The following ZNF362 variants were observed in gnomAD, a reference collection of about 807,000 sequenced individuals.
ZNF362 encodes the protein zinc finger protein 362, also known as rotund homolog.
Under a neutral mutation model 42.9 loss-of-function variants are expected in ZNF362, and 11 were observed. The ratio of observed to expected loss-of-function variants is 0.26; its 90% confidence interval spans 0.16 to 0.42. The LOEUF (loss-of-function observed/expected upper bound fraction) is 0.42, where lower values mean the gene tolerates loss of function less well. Ranked by LOEUF, ZNF362 falls within the 20% of genes least tolerant of loss-of-function variation. The pLI is 1.00. For synonymous variants in ZNF362, 255 were observed against 257.3 expected (o/e 0.99, Z 0.09); for missense variants, 362 against 576.2 (o/e 0.63, Z 3.81).
chr1:33,148,334 A>G, the ZNF362 span, among the ~76,000 whole-genome samples: 3 of 152,234 alleles, frequency 2.0e-5, no homozygotes, highest in South Asian at 2.1e-4. Context: ...ATGTATAAAC[A>G]TGAAATTTTT....
At chr1:33,196,464 CATTGATATCA>C in the ZNF362 span, among the ~76,000 whole-genome samples, 1 of 152,276 alleles carries the variant, frequency 6.6e-6, no homozygotes, top group African/African-American at 2.4e-5. Context: ...GGGTCAAGAT[CATTGATATCA>C]CTGTCTTCCA....
intron 6 of ZNF362, among the ~76,000 whole-genome samples, chr1:33,288,227 A>G (rs2148124921): frequency 6.6e-6 from 1 of 152,316 alleles, no homozygotes; most frequent in South Asian, 2.1e-4. Flanking sequence ...TGGCAGAAGC[A>G]AGATTTGAGT....
the ZNF362 span, among the ~76,000 whole-genome samples, chr1:33,171,907 G>C: frequency 2.0e-5 from 3 of 152,112 alleles, no homozygotes; most frequent in East Asian, 5.8e-4. Context: ...TCAGCCTCCT[G>C]AGTAGCTGGG....
chr1:33,160,554 G>A, the ZNF362 span, among the ~76,000 whole-genome samples: 1 of 151,946 alleles, frequency 6.6e-6, no homozygotes, highest in Non-Finnish European at 1.5e-5. Flanking sequence ...ACAGGAGCCC[G>A]CCACTATGCC....
At chr1:33,233,505 G>A in the ZNF362 span, among the ~76,000 whole-genome samples, 4 of 151,854 alleles carry the variant, frequency 2.6e-5, no homozygotes, top group Non-Finnish European at 5.9e-5. Context: ...CCAGGCTCAA[G>A]CAATCTTCCT....
At chr1:33,295,121 C>G in intron 7 of ZNF362, 26 bp from the exon 8 acceptor site, 1 of 1,613,308 alleles carries the variant, frequency 6.2e-7, no homozygotes, top group Admixed American at 1.7e-5. Flanking sequence ...CTGTTCCTCT[C>G]CTGACCCCCT....
the ZNF362 span, among the ~76,000 whole-genome samples, chr1:33,131,549 G>T: frequency 6.6e-6 from 1 of 152,072 alleles, no homozygotes; most frequent in Admixed American, 6.5e-5. Context: ...GATTGTAAAC[G>T]ATTTCAATAA....
the ZNF362 span, among the ~76,000 whole-genome samples, chr1:33,175,597 G>A: frequency 5.8e-3 from 883 of 152,294 alleles, 12 homozygotes; most frequent in African/African-American, 0.02. Context: ...GACAGTTGGC[G>A]TGTTGGGAAG....
the ZNF362 span, among the ~76,000 whole-genome samples, chr1:33,141,437 GA>G: frequency 6.6e-6 from 1 of 152,214 alleles, no homozygotes; most frequent in African/African-American, 2.4e-5. Context: ...TGTGGAGCTA[GA>G]AACTAACCCT....
chr1:33,199,550 A>G, the ZNF362 span, among the ~76,000 whole-genome samples: 1 of 152,220 alleles, frequency 6.6e-6, no homozygotes, highest in African/African-American at 2.4e-5. Flanking sequence ...CAGAAAGAAA[A>G]TGATACAAGA....
chr1:33,293,738 A>G (rs979755893), intron 6 of ZNF362, among the ~76,000 whole-genome samples: 3 of 152,126 alleles, frequency 2.0e-5, no homozygotes, highest in Admixed American at 1.3e-4. Flanking sequence ...GCCCAGGGAG[A>G]TGGTGCAAAG....
At chr1:33,148,786 A>G in the ZNF362 span, among the ~76,000 whole-genome samples, 93 of 152,364 alleles carry the variant, frequency 6.1e-4, no homozygotes, top group African/African-American at 2.1e-3. Flanking sequence ...AAAGTAGACA[A>G]TGGGTCTGAA....
chr1:33,179,824 A>G, the ZNF362 span, among the ~76,000 whole-genome samples: 1 of 152,226 alleles, frequency 6.6e-6, no homozygotes, highest in African/African-American at 2.4e-5. Context: ...CTTGGGAACC[A>G]TTTTATTAAA....
At position 33,281,927 on chromosome 1, in the gene ZNF362, G is replaced by A. The variant is rs1243883340; in HGVS notation, c.908+116G>A. The A allele has an allele frequency of 9.4e-6, 10 of 1,060,312 alleles. No homozygotes were observed. Among genetic ancestry groups the A allele is most frequent in the East Asian group, 5.0e-5 (2 of 40,334 alleles). The allele number at this position is 1,060,312 out of a possible 1,614,324, so 65.7% of individuals were successfully genotyped here. Reference sequence around the variant, plus strand: ...CCTTCTCCAGGTGCCCATTGCCCTCGGGGTCACGGCCCTTGTGGACCTCAC... The same window carrying A: ...CCTTCTCCAGGTGCCCATTGCCCTCAGGGTCACGGCCCTTGTGGACCTCAC... On this transcript the variant is annotated intron_variant, in intron 6 of 8. Transcript: ENST00000539719. The surrounding 1 kb of genome is among the most constrained non-coding windows in gnomAD (Gnocchi z 4.8).
the ZNF362 span, among the ~76,000 whole-genome samples, chr1:33,204,553 T>G: frequency 6.6e-6 from 1 of 152,234 alleles, no homozygotes; most frequent in African/African-American, 2.4e-5. Flanking sequence ...AACCTGTATA[T>G]GGAATTCAGT....
the ZNF362 span, among the ~76,000 whole-genome samples, chr1:33,234,385 G>A: frequency 6.6e-6 from 1 of 152,142 alleles, no homozygotes; most frequent in Non-Finnish European, 1.5e-5. Flanking sequence ...CCCACGCCGT[G>A]TCATCATTTT....
chr1:33,161,520 C>T, the ZNF362 span, among the ~76,000 whole-genome samples: 7 of 152,154 alleles, frequency 4.6e-5, no homozygotes, highest in Non-Finnish European at 1.0e-4. The surrounding 1 kb of genome is among the most constrained non-coding windows in gnomAD (Gnocchi z 4.3). Context: ...CGGCTGCTGG[C>T]CTGCAGGAAG....
chr1:33,240,187 A>T, the ZNF362 span, among the ~76,000 whole-genome samples: 1 of 152,170 alleles, frequency 6.6e-6, no homozygotes, highest in African/African-American at 2.4e-5. Flanking sequence ...TCATCAAGTG[A>T]TCAAAGTTAA....
chr1:33,242,614 G>T, the ZNF362 span, among the ~76,000 whole-genome samples: 2 of 152,158 alleles, frequency 1.3e-5, no homozygotes, highest in Admixed American at 1.3e-4. Context: ...CGGAAAACCA[G>T]CATTGAAAAT....
Sources: allele counts gnomAD v4.1 joint callset (sites outside exome capture counted in the v4.1 genomes callset), GRCh38; gene constraint gnomAD v4.1.1; non-coding constraint Gnocchi (gnomAD v3.1); transcripts MANE v1.5; gene names NCBI Gene and HGNC (gene_info 2026-07-23, HGNC 2026-07-21).